The following FIGN variants were observed in gnomAD, a reference collection of about 807,000 sequenced individuals.
The protein encoded by FIGN is fidgetin.
Under a neutral mutation model 51.3 loss-of-function variants are expected in FIGN, and 11 were observed. That is an observed-to-expected ratio of 0.21 (90% CI 0.13 to 0.35). FIGN has a LOEUF of 0.35. Ranked by LOEUF, FIGN falls within the 10% of genes least tolerant of loss-of-function variation. The pLI, the probability that FIGN is intolerant of heterozygous loss-of-function variation, is 1.00. For missense variants in FIGN, 857 were observed against 943.6 expected (o/e 0.91, Z 1.20); for synonymous variants, 407 against 363.2 (o/e 1.12, Z -1.37).
intron 2 of FIGN, among the ~76,000 whole-genome samples, chr2:163,650,639 G>A (rs1258663224): frequency 2.0e-5 from 3 of 151,594 alleles, no homozygotes; most frequent in Admixed American, 2.0e-4. Flanking sequence ...GAACATCGAT[G>A]TTTGGTTTTC....
chr2:163,695,666 A>G (rs372037123), intron 2 of FIGN, among the ~76,000 whole-genome samples: 13 of 152,206 alleles, frequency 8.5e-5, no homozygotes, highest in African/African-American at 2.9e-4. Flanking sequence ...GCAAACTAAG[A>G]TGTATATTCC....
Position 163,609,167 on chromosome 2 carries a change from G to T in FIGN, c.*385C>A, listed in dbSNP as rs1356523921. 3 of 187,290 alleles carry T rather than the reference G, an allele frequency of 1.6e-5. No homozygotes were observed. Among genetic ancestry groups the T allele is most frequent in the East Asian group, 1.4e-4 (1 of 7,232 alleles). The allele number at this position is 187,290 out of a possible 1,614,324, so 11.6% of individuals were successfully genotyped here. A position where few individuals can be genotyped will look rare whatever the true frequency, so the allele number is the denominator to read the frequency against. ...ATTAGCACATGCCACCAATGTAATT[G>T]TGAGGCAAACAAAAAATAAAGCACC... On this transcript the variant is annotated 3_prime_UTR_variant, in exon 3 of 3. Transcript: ENST00000333129.
chr2:163,610,353 C>G lies in FIGN; in HGVS notation c.1479G>C (p.Leu493=), dbSNP rs1381353115. 11 of 1,614,126 alleles carry G rather than the reference C, an allele frequency of 6.8e-6. No individual in the cohort carries two copies. Among genetic ancestry groups the G allele is most frequent in the Non-Finnish European group, 9.3e-6 (11 of 1,180,026 alleles). ...VDWNDIAGLD[L]VKAVIKEEVL... ...CCTCCTCTTTAATGACAGCCTTCAC[C>G]AGGTCGAGACCAGCAATGTCATTCC... Residue 493 remains leucine, a synonymous_variant, in exon 3 of 3, where the codon CTG becomes CTC. Transcript: ENST00000333129.
intron 2 of FIGN, among the ~76,000 whole-genome samples, chr2:163,699,333 C>T (rs904168872): frequency 6.6e-5 from 10 of 152,090 alleles, no homozygotes; most frequent in African/African-American, 2.4e-4. Context: ...AAAAGCAAAA[C>T]TGCCATTTTA....
intron 2 of FIGN, among the ~76,000 whole-genome samples, chr2:163,667,798 T>C (rs1377924950): frequency 6.6e-6 from 1 of 152,138 alleles, no homozygotes; most frequent in African/African-American, 2.4e-5. Flanking sequence ...GTGCTGTAAC[T>C]GTTTATTTGT....
intron 2 of FIGN, among the ~76,000 whole-genome samples, chr2:163,667,106 T>G (rs1683792107): frequency 6.6e-6 from 1 of 152,090 alleles, no homozygotes. Flanking sequence ...TTTCCAGAAA[T>G]AGAAGGCCTG....
intron 2 of FIGN, among the ~76,000 whole-genome samples, chr2:163,694,865 T>C (rs1246638977): frequency 6.6e-6 from 1 of 152,118 alleles, no homozygotes; most frequent in Non-Finnish European, 1.5e-5. Context: ...GTTGCTTAAG[T>C]TGGACTTCAA....
intron 2 of FIGN, among the ~76,000 whole-genome samples, chr2:163,713,681 CCT>C (rs1234150358): frequency 1.3e-5 from 2 of 152,148 alleles, no homozygotes; most frequent in African/African-American, 4.8e-5. Flanking sequence ...GGTTAAAGCC[CCT>C]CTCTGTGCTA....
chr2:163,647,537 C>A (rs1310984450), intron 2 of FIGN, among the ~76,000 whole-genome samples: 1 of 151,810 alleles, frequency 6.6e-6, no homozygotes, highest in Non-Finnish European at 1.5e-5. Context: ...TCTGCAGACA[C>A]AGAGACTCCA....
At chr2:163,664,017 T>C (rs750641740) in intron 2 of FIGN, among the ~76,000 whole-genome samples, 5 of 152,142 alleles carry the variant, frequency 3.3e-5, no homozygotes, top group Non-Finnish European at 7.4e-5. Flanking sequence ...TATTGATTAG[T>C]TTTCTGTCTT....
chr2:163,710,220 A>G (rs1684566183), intron 2 of FIGN, among the ~76,000 whole-genome samples: 1 of 152,214 alleles, frequency 6.6e-6, no homozygotes, highest in Non-Finnish European at 1.5e-5. Flanking sequence ...TCCTTTATTT[A>G]GGGATAAGGG....
At chr2:163,701,884 C>CT (rs1684413190) in intron 2 of FIGN, among the ~76,000 whole-genome samples, 1 of 152,094 alleles carries the variant, frequency 6.6e-6, no homozygotes, top group South Asian at 2.1e-4. Context: ...GAGCTAGCAC[C>CT]TTCTGGTGTA....
At chr2:163,714,172 T>C (rs561626436) in intron 2 of FIGN, among the ~76,000 whole-genome samples, 1 of 152,318 alleles carries the variant, frequency 6.6e-6, no homozygotes, top group East Asian at 1.9e-4. Flanking sequence ...TTTTTTCTTT[T>C]ACAAAGCAAA....
rs974575966 is a variant in FIGN, at chr2:163,608,372, G to A, written c.*1180C>T. The A allele has an allele frequency of 2.0e-5, 3 of 152,590 alleles. No homozygotes were observed. Among genetic ancestry groups the A allele is most frequent in the East Asian group, 3.9e-4 (2 of 5,186 alleles). 9.5% of individuals were successfully genotyped at this position (152,590 alleles called of 1,614,324 possible). ...ATCAAACAGCACGGCAAGTCTATAA[G>A]CTAGATTAGTGAATAGAATGACACC... On this transcript the variant is annotated 3_prime_UTR_variant, in exon 3 of 3. Coordinates refer to ENST00000333129, the MANE Select transcript of FIGN (RefSeq NM_018086.4).
intron 2 of FIGN, among the ~76,000 whole-genome samples, chr2:163,705,628 T>C (rs1222086722): frequency 1.3e-5 from 2 of 151,846 alleles, no homozygotes; most frequent in African/African-American, 2.4e-5. Flanking sequence ...TTTTATATTG[T>C]TTATTTTTTG....
rs1025715333 is a variant in FIGN at position 163,612,269 on chromosome 2, T to G, written c.26-463A>C. ...TATTCTGTCTGTTCACATCACAGTT[T>G]GTTTTACATTTTAAGCAATATAAAA... is the stretch of plus-strand genomic sequence containing the variant. On this transcript the variant is annotated intron_variant, in intron 2 of 2. Coordinates refer to ENST00000333129, the MANE Select transcript of FIGN (RefSeq NM_018086.4). 2.6e-5 allele frequency: 25 copies of G among 965,302 alleles called. No homozygotes were observed. The African/African-American group carries it at 4.4e-4, about 17-fold the overall frequency. The allele number at this position is 965,302 out of a possible 1,614,324, so 59.8% of individuals were successfully genotyped here.
At chr2:163,675,706 C>CTTTTTTTTTTTTTTTT (rs900840520) in intron 2 of FIGN, among the ~76,000 whole-genome samples, 5 of 100,494 alleles carry the variant, frequency 5.0e-5, no homozygotes, top group Admixed American at 1.2e-4. Context: ...TTCTTTCTTT[C>CTTTTTTTTTTTTTTTT]TTTTTTTTTT....
chr2:163,637,319 T>C (rs1389006980), intron 2 of FIGN, among the ~76,000 whole-genome samples: 2 of 152,188 alleles, frequency 1.3e-5, no homozygotes. Flanking sequence ...AGAGTTTATG[T>C]TCTTCTGGGG....
chr2:163,632,379 C>T (rs919000077), intron 2 of FIGN, among the ~76,000 whole-genome samples: 1 of 152,196 alleles, frequency 6.6e-6, no homozygotes, highest in East Asian at 1.9e-4. Flanking sequence ...CTCTCACTCT[C>T]TACCATCCCA....
Sources: gnomAD v4.1 joint callset for allele counts (sites outside exome capture counted in the v4.1 genomes callset) on GRCh38, gnomAD v4.1.1 for gene constraint, MANE v1.5 for transcripts, NCBI Gene and HGNC (gene_info 2026-07-23, HGNC 2026-07-21) for gene names.